MRTFB: variants seen among roughly 807,000 people sequenced by gnomAD.
The protein encoded by MRTFB is myocardin related transcription factor B, also known as myocardin-related transcription factor B.
Under a neutral mutation model 104.2 loss-of-function variants are expected in MRTFB, and 29 were observed. The observed-to-expected ratio is 0.28, with a 90% CI of 0.21 to 0.38. The LOEUF (loss-of-function observed/expected upper bound fraction) is 0.38, where lower values mean the gene tolerates loss of function less well. Ranked by LOEUF, MRTFB falls within the 10% of genes least tolerant of loss-of-function variation. MRTFB has a pLI of 1.00. For missense variants in MRTFB, 1,270 were observed against 1,341.6 expected, an observed-to-expected ratio of 0.95 and a Z score of 0.83; for synonymous variants, 535 against 519.5, an observed-to-expected ratio of 1.03 and a Z score of -0.41.
chr16:14,001,731 C>G, the MRTFB span, among the ~76,000 whole-genome samples: 8 of 152,236 alleles, frequency 5.3e-5, no homozygotes, highest in Non-Finnish European at 1.0e-4. Context: ...CCGACAACAA[C>G]TCTCATCCAA....
chr16:14,031,298 G>A, the MRTFB span, among the ~76,000 whole-genome samples: 1 of 151,932 alleles, frequency 6.6e-6, no homozygotes, highest in Non-Finnish European at 1.5e-5. Flanking sequence ...GGCTAAGGCA[G>A]GAAACCCTCT....
intron 15 of MRTFB, among the ~76,000 whole-genome samples, chr16:14,253,117 A>G (rs372735163): frequency 6.6e-6 from 1 of 152,184 alleles, no homozygotes; most frequent in Admixed American, 6.5e-5. Context: ...AGCCCCAACC[A>G]TACCAAGCAA....
Position 14,248,987 on chromosome 16 carries a change from C to G in MRTFB, c.2309C>G (p.Thr770Ser). The G allele has an allele frequency of 6.2e-7, 1 of 1,614,222 alleles. No individual in the cohort carries two copies. Among genetic ancestry groups the G allele is most frequent in the East Asian group, 2.2e-5 (1 of 44,884 alleles). The stretch of plus-strand genomic sequence containing the variant: ...ATAGCAACTGCTGCACAAATACCAA[C>G]TGCTGCCTTGGCCTCAGGCTTGGCC... ...PQIATAAQIP[T>S]AALASGLAPT... Residue 770 changes from threonine (T) to serine (S), a missense_variant, in exon 13 of 17, where the codon ACT becomes AGT. This residue lies in a region of MRTFB where 1,144 missense variants were observed against 1,131.5 expected (regional missense o/e 1.01). Coordinates refer to ENST00000571589, the MANE Select transcript of MRTFB (RefSeq NM_001308142.2).
chr16:14,179,198 A>T (rs1476010612), intron 3 of MRTFB, among the ~76,000 whole-genome samples: 1 of 152,248 alleles, frequency 6.6e-6, no homozygotes, highest in Non-Finnish European at 1.5e-5. Context: ...TAAAATAAAT[A>T]TTAACTTACT....
At chr16:14,037,743 C>G in the MRTFB span, among the ~76,000 whole-genome samples, 1 of 152,140 alleles carries the variant, frequency 6.6e-6, no homozygotes, top group Non-Finnish European at 1.5e-5. Context: ...GCAGAGAAGG[C>G]TGAGGGCAGA....
intron 5 of MRTFB, 101 bp downstream of exon 5, chr16:14,212,510 T>C (rs1269626800): frequency 1.9e-6 from 2 of 1,039,654 alleles, no homozygotes; most frequent in African/African-American, 1.6e-5. Flanking sequence ...AATATGTCAA[T>C]AGAGAAAAAA....
chr16:14,145,496 T>A (rs1000912876), intron 3 of MRTFB, among the ~76,000 whole-genome samples: 1 of 152,214 alleles, frequency 6.6e-6, no homozygotes, highest in African/African-American at 2.4e-5. Flanking sequence ...ATGTTACTGA[T>A]GATAGTGGAG....
chr16:14,106,858 G>C (rs2036006449), intron 2 of MRTFB, among the ~76,000 whole-genome samples: 1 of 152,164 alleles, frequency 6.6e-6, no homozygotes, highest in Admixed American at 6.6e-5. Context: ...CAACTTAGTT[G>C]AGAATGAAAA....
At chr16:14,056,189 G>A in the MRTFB span, among the ~76,000 whole-genome samples, 1 of 152,114 alleles carries the variant, frequency 6.6e-6, no homozygotes, top group Non-Finnish European at 1.5e-5. Flanking sequence ...ATGTTCGCCA[G>A]GCTGGTCTTG....
At chr16:14,214,374 C>A (rs1457332953) in intron 6 of MRTFB, among the ~76,000 whole-genome samples, 1 of 152,164 alleles carries the variant, frequency 6.6e-6, no homozygotes, top group Non-Finnish European at 1.5e-5. Flanking sequence ...CTGAAAACTT[C>A]TCAGACATTG....
chr16:14,014,707 A>C, the MRTFB span, among the ~76,000 whole-genome samples: 1 of 152,086 alleles, frequency 6.6e-6, no homozygotes, highest in East Asian at 1.9e-4. Flanking sequence ...TGCAAAAAAG[A>C]AAAAAAGAAA....
rs771256530 is a variant in MRTFB, at chr16:14,240,244, A to T, written c.839A>T (p.His280Leu). 7 of 1,595,376 alleles carry T rather than the reference A, an allele frequency of 4.4e-6. No individual in the cohort carries two copies. Among genetic ancestry groups the T allele is most frequent in the Non-Finnish European group, 6.0e-6 (7 of 1,171,930 alleles). ...TCTTTTTCTCAAAAATAGCAAAGCCATCCCAAGAATCCAAATGACAAACAC... is the reference window on the plus strand; with the variant it reads ...TCTTTTTCTCAAAAATAGCAAAGCCTTCCCAAGAATCCAAATGACAAACAC... The part of the protein sequence containing the change: ...KPGPALVKQS[H>L]PKNPNDKHRS... The change falls in exon 10 of 17, where the codon CAT (histidine) becomes CTT (leucine). Residue 280 changes from histidine to leucine, a missense_variant. By Grantham distance (99) the His-to-Leu change is moderately conservative. Around this residue, in one of 3 missense-constraint regions of MRTFB, gnomAD observed 1,144 missense variants for 1,131.5 expected, o/e 1.01. Transcript: ENST00000571589.
intron 3 of MRTFB, among the ~76,000 whole-genome samples, chr16:14,178,097 T>C (rs2039647648): frequency 2.0e-5 from 3 of 152,182 alleles, no homozygotes; most frequent in Middle Eastern, 3.4e-3. Context: ...AGGATCCTAG[T>C]GGAGAGGTGT....
chr16:14,074,612 T>C (rs2033925560), intron 1 of MRTFB, among the ~76,000 whole-genome samples: 1 of 152,210 alleles, frequency 6.6e-6, no homozygotes, highest in South Asian at 2.1e-4. Context: ...TAGGACATTA[T>C]ATCTTGAAAT....
chr16:14,028,684 C>T, the MRTFB span, among the ~76,000 whole-genome samples: 1 of 152,180 alleles, frequency 6.6e-6, no homozygotes, highest in East Asian at 1.9e-4. Context: ...GAGTCCCAAC[C>T]GCAACTTCCT....
intron 2 of MRTFB, among the ~76,000 whole-genome samples, chr16:14,137,724 T>G (rs2037793230): frequency 6.6e-6 from 1 of 152,144 alleles, no homozygotes; most frequent in Non-Finnish European, 1.5e-5. Flanking sequence ...ATCACAGGCT[T>G]CTTGGAATTC....
At chr16:14,044,666 A>G in the MRTFB span, among the ~76,000 whole-genome samples, 4 of 152,144 alleles carry the variant, frequency 2.6e-5, no homozygotes, top group Non-Finnish European at 4.4e-5. Flanking sequence ...TTTTGCCCAT[A>G]AGGTCATCAT....
At chr16:14,216,294 C>G (rs1172226677) in intron 6 of MRTFB, among the ~76,000 whole-genome samples, 2 of 152,206 alleles carry the variant, frequency 1.3e-5, no homozygotes, top group Non-Finnish European at 2.9e-5. Flanking sequence ...GAAAGACCTT[C>G]TACTGTATAG....
intron 15 of MRTFB, 106 bp from the exon 16 acceptor site, chr16:14,257,995 G>T (rs529011246): frequency 2.6e-5 from 25 of 953,928 alleles, no homozygotes; most frequent in Non-Finnish European, 3.2e-5. Context: ...AAATTATCAC[G>T]ATAGATTAGA....
Sources: allele counts gnomAD v4.1 joint callset (sites outside exome capture counted in the v4.1 genomes callset), GRCh38; gene constraint gnomAD v4.1.1; regional missense constraint gnomAD v4.1.1; transcripts MANE v1.5; gene names NCBI Gene and HGNC (gene_info 2026-07-23, HGNC 2026-07-21).